The following GRHL2 variants were observed in gnomAD, a reference collection of about 807,000 sequenced individuals.
GRHL2 encodes the protein grainyhead like transcription factor 2.
In GRHL2, 21 loss-of-function variants were observed where a neutral mutation model predicts 83.8. The ratio of observed to expected loss-of-function variants is 0.25; its 90% CI spans 0.18 to 0.36. The LOEUF (loss-of-function observed/expected upper bound fraction) is 0.36, where lower values mean the gene tolerates loss of function less well. GRHL2 is among the 10% of genes least tolerant of loss of function. The pLI is 1.00. For synonymous variants in GRHL2, 280 were observed against 278.9 expected (o/e 1.00, Z -0.04); for missense variants, 623 against 781.8 (o/e 0.80, Z 2.42).
intron 8 of GRHL2, among the ~76,000 whole-genome samples, chr8:101,605,858 C>A (rs1233865626): frequency 6.6e-6 from 1 of 152,212 alleles, no homozygotes; most frequent in East Asian, 1.9e-4. Context: ...TCAGTGTTTT[C>A]TTCTCCATGC....
intron 7 of GRHL2, among the ~76,000 whole-genome samples, chr8:101,598,395 A>G (rs914730096): frequency 4.6e-5 from 7 of 151,892 alleles, no homozygotes; most frequent in Non-Finnish European, 4.4e-5. Flanking sequence ...ATGTGCCACC[A>G]TGCCCGGCTA....
At chr8:101,653,806 T>C (rs1193840362) in intron 14 of GRHL2, among the ~76,000 whole-genome samples, 1 of 151,926 alleles carries the variant, frequency 6.6e-6, no homozygotes, top group Non-Finnish European at 1.5e-5. Flanking sequence ...AGAATCAGAT[T>C]CTATAGGGGT....
At chr8:101,495,860 A>G (rs1246962705) in intron 1 of GRHL2, among the ~76,000 whole-genome samples, 1 of 152,170 alleles carries the variant, frequency 6.6e-6, no homozygotes, top group Non-Finnish European at 1.5e-5. Context: ...TAAAAATACA[A>G]TACAGGGGCC....
rs1586078609 is a variant in GRHL2, at chr8:101,543,630, A to G, written c.216+194A>G. Reference sequence around the variant, plus strand: ...CAAAGCTCAACTTTATCACCCATCCAGAGGAAGTACTCATTTTGGGATAAT... The same window carrying G: ...CAAAGCTCAACTTTATCACCCATCCGGAGGAAGTACTCATTTTGGGATAAT... On this transcript the variant is annotated intron_variant, in intron 2 of 15. Coordinates refer to ENST00000646743, the MANE Select transcript of GRHL2 (RefSeq NM_024915.4). The G allele has an allele frequency of 3.3e-5, 21 of 638,032 alleles. No individual in the cohort carries two copies. The East Asian group carries it at 5.4e-4, about 16-fold the overall frequency. The allele number at this position is 638,032 out of a possible 1,614,324, so 39.5% of individuals were successfully genotyped here.
At chr8:101,603,762 G>T (rs541320251) in intron 8 of GRHL2, among the ~76,000 whole-genome samples, 1 of 152,126 alleles carries the variant, frequency 6.6e-6, no homozygotes, top group East Asian at 1.9e-4. Context: ...TGCCCTCAGG[G>T]TCTCTGCAGG....
intron 3 of GRHL2, among the ~76,000 whole-genome samples, chr8:101,557,109 T>C (rs1302370677): frequency 6.6e-6 from 1 of 151,998 alleles, no homozygotes; most frequent in Non-Finnish European, 1.5e-5. Flanking sequence ...ATCCCTGTCA[T>C]GTCATCATAT....
intron 7 of GRHL2, among the ~76,000 whole-genome samples, chr8:101,598,016 C>T (rs535193151): frequency 1.0e-3 from 154 of 152,130 alleles, no homozygotes; most frequent in Middle Eastern, 3.4e-3. Context: ...CAACTTTAGT[C>T]ATGGAACAAC....
intron 1 of GRHL2, among the ~76,000 whole-genome samples, chr8:101,541,341 G>T (rs988528040): frequency 6.6e-6 from 1 of 151,980 alleles, no homozygotes; most frequent in Admixed American, 6.6e-5. Flanking sequence ...AATACCTAGC[G>T]ATGGGATTGC....
intron 13 of GRHL2, among the ~76,000 whole-genome samples, chr8:101,647,077 T>A (rs1813526294): frequency 6.6e-6 from 1 of 152,216 alleles, no homozygotes; most frequent in Non-Finnish European, 1.5e-5. Flanking sequence ...GTGGAAGCAG[T>A]ACTCATAATA....
At chr8:101,542,174 CATT>C (rs1287740319) in intron 1 of GRHL2, among the ~76,000 whole-genome samples, 2 of 152,170 alleles carry the variant, frequency 1.3e-5, no homozygotes, top group African/African-American at 4.8e-5. Flanking sequence ...TTTCAATAAT[CATT>C]AGCATATTGA....
intron 14 of GRHL2, among the ~76,000 whole-genome samples, chr8:101,653,746 AACAAAAAC>A (rs958656125): frequency 3.1e-5 from 2 of 65,512 alleles, no homozygotes; most frequent in Non-Finnish European, 5.5e-5. Context: ...TCAAAAAAAA[AACAAAAAC>A]AAAAACAAAG....
chr8:101,593,278 A>G (rs189896913), intron 7 of GRHL2, among the ~76,000 whole-genome samples: 2 of 152,144 alleles, frequency 1.3e-5, no homozygotes, highest in Non-Finnish European at 2.9e-5. Context: ...TTCAGCCAAT[A>G]ATAATATTGT....
chr8:101,654,230 T>C (rs1563628507), intron 14 of GRHL2, among the ~76,000 whole-genome samples: 1 of 152,236 alleles, frequency 6.6e-6, no homozygotes, highest in African/African-American at 2.4e-5. Flanking sequence ...TGCAATTGTT[T>C]TGGAAATAGA....
intron 4 of GRHL2, among the ~76,000 whole-genome samples, chr8:101,567,427 T>C (rs1262929144): frequency 6.6e-6 from 1 of 152,220 alleles, no homozygotes; most frequent in Non-Finnish European, 1.5e-5. Context: ...ATTTTGATTC[T>C]AATTCCTAAT....
At chr8:101,625,835 T>A (rs145329816) in intron 9 of GRHL2, among the ~76,000 whole-genome samples, 2 of 151,900 alleles carry the variant, frequency 1.3e-5, no homozygotes, top group Non-Finnish European at 2.9e-5. Context: ...TCCAAGTGAG[T>A]AGTGATGTCA....
At chr8:101,664,403 C>T in intron 14 of GRHL2, 51 bp from the exon 15 acceptor site, 1 of 1,367,374 alleles carries the variant, frequency 7.3e-7, no homozygotes, top group Non-Finnish European at 1.0e-6. Context: ...CCCTTGCCTC[C>T]AGTTGGGCGT....
chr8:101,579,507 G>A (rs1812004248), intron 7 of GRHL2, among the ~76,000 whole-genome samples: 1 of 152,116 alleles, frequency 6.6e-6, no homozygotes, highest in Admixed American at 6.5e-5. Flanking sequence ...GTAGCTTCAT[G>A]GGTAGCTGGG....
chr8:101,627,096 G>A (rs936662423), intron 9 of GRHL2, among the ~76,000 whole-genome samples: 2 of 152,064 alleles, frequency 1.3e-5, no homozygotes, highest in Admixed American at 1.3e-4. Flanking sequence ...GCATATGAAA[G>A]AATGCCTGAA....
chr8:101,573,897 AAT>A (rs759552025), intron 6 of GRHL2, 73 bp downstream of exon 6: 1 of 1,518,346 alleles, frequency 6.6e-7, no homozygotes. Flanking sequence ...AGCCTTGTGG[AAT>A]GGCATGGAAA....
Sources: gnomAD v4.1 joint callset for allele counts (sites outside exome capture counted in the v4.1 genomes callset) on GRCh38, gnomAD v4.1.1 for gene constraint, MANE v1.5 for transcripts, NCBI Gene and HGNC (gene_info 2026-07-23, HGNC 2026-07-21) for gene names.